SYT17: variants seen among roughly 807,000 people sequenced by gnomAD.
SYT17 encodes synaptotagmin 17.
A neutral mutation model predicts 46.7 loss-of-function variants in SYT17; 22 were observed. The ratio of observed to expected loss-of-function variants is 0.47; its 90% CI spans 0.34 to 0.67. SYT17 has a LOEUF of 0.67. Ranked by LOEUF, SYT17 falls within the 30% of genes least tolerant of loss-of-function variation. The pLI is 0.01. For synonymous variants in SYT17, 251 were observed against 248.4 expected (o/e 1.01, Z -0.10); for missense variants, 519 against 612.8 (o/e 0.85, Z 1.62).
Position 19,223,069 on chromosome 16 carries a change from C to G in SYT17, c.976C>G (p.Leu326Val). 1 of 1,614,064 alleles carries G rather than the reference C, an allele frequency of 6.2e-7. No homozygotes were observed. The change falls in exon 6 of 8, where the codon CTT becomes GTT. Residue 326 changes from leucine (L) to valine (V), a missense_variant. Transcript: ENST00000355377. ...SQNEVELGEL[L>V]LSLNYLPSAG... ...GAATGAAGTGGAGCTGGGGGAGCTG[C>G]TTCTGTCACTGAATTATCTCCCAAG... is the stretch of plus-strand genomic sequence containing the variant.
At chr16:19,227,324 C>CTTTTTT (rs33936912) in intron 7 of SYT17, among the ~76,000 whole-genome samples, 14 of 143,052 alleles carry the variant, frequency 9.8e-5, no homozygotes, top group African/African-American at 2.4e-4. Context: ...CTTCTCCCCG[C>CTTTTTT]TTTTTTTTTT....
At position 19,267,212 on chromosome 16, in the gene SYT17, C is replaced by T; in HGVS notation, c.*136C>T. 1 of 764,484 alleles carries T rather than the reference C, an allele frequency of 1.3e-6. No homozygotes were observed. Among genetic ancestry groups the T allele is most frequent in the South Asian group, 2.1e-5 (1 of 46,522 alleles). 47.4% of individuals were successfully genotyped at this position (764,484 alleles called of 1,614,324 possible). A position where few individuals can be genotyped will look rare whatever the true frequency, so the allele number is the denominator to read the frequency against. ...ACACACGTCCACACACACAGACACACAGATACCCCAAATCCTCTCAGAACT... is the reference window on the plus strand; with the variant it reads ...ACACACGTCCACACACACAGACACATAGATACCCCAAATCCTCTCAGAACT... On this transcript the variant is annotated 3_prime_UTR_variant, in exon 8 of 8. Coordinates refer to ENST00000355377, the MANE Select transcript of SYT17 (RefSeq NM_016524.4).
chr16:19,251,919 A>T (rs1968104796), intron 7 of SYT17, among the ~76,000 whole-genome samples: 1 of 152,084 alleles, frequency 6.6e-6, no homozygotes, highest in Non-Finnish European at 1.5e-5. Flanking sequence ...GCTGTTCAAA[A>T]CATGTTTGAG....
chr16:19,254,425 C>A (rs1332904422), intron 7 of SYT17, among the ~76,000 whole-genome samples: 1 of 152,144 alleles, frequency 6.6e-6, no homozygotes. Flanking sequence ...CACCCAGGCC[C>A]CCAACCCCAA....
rs111374855 is a variant in SYT17 at position 19,231,777 on chromosome 16, C to T, written c.1228+6939C>T. Among the ~76,000 whole-genome samples, 25 of 152,224 alleles carry T rather than the reference C, an allele frequency of 1.6e-4. No homozygotes were observed. The East Asian group carries it at 3.5e-3, about 21-fold the overall frequency. The stretch of plus-strand genomic sequence containing the variant: ...GGAGCACCTACTATGTACCTGGCAC[C>T]GTGCTAGACGTTATGTATTCGACAG... On this transcript the variant is annotated intron_variant, in intron 7 of 7. Coordinates refer to ENST00000355377, the MANE Select transcript of SYT17 (RefSeq NM_016524.4).
chr16:19,172,025 G>C (rs1964115342), intron 1 of SYT17: 1 of 152,628 alleles, frequency 6.6e-6, no homozygotes, highest in Non-Finnish European at 1.5e-5. Context: ...TCCCACCTCA[G>C]TTCACCTCTG....
chr16:19,250,851 G>T (rs1437392191), intron 7 of SYT17, among the ~76,000 whole-genome samples: 1 of 152,092 alleles, frequency 6.6e-6, no homozygotes, highest in African/African-American at 2.4e-5. Context: ...AACATTCTCA[G>T]AAATTCCCTC....
At chr16:19,223,229 C>G in intron 6 of SYT17, 64 bp downstream of exon 6, 2 of 1,580,836 alleles carry the variant, frequency 1.3e-6, no homozygotes, top group East Asian at 2.3e-5. Context: ...TGTGGAGAAC[C>G]CAGTTTTCTT....
chr16:19,250,373 G>A (rs1358697637), intron 7 of SYT17, among the ~76,000 whole-genome samples: 1 of 149,330 alleles, frequency 6.7e-6, no homozygotes, highest in Non-Finnish European at 1.5e-5. Context: ...GTGTGTGTGT[G>A]TGTGTGTGTG....
intron 5 of SYT17, among the ~76,000 whole-genome samples, chr16:19,184,458 T>A (rs1964696430): frequency 1.3e-5 from 2 of 151,782 alleles, no homozygotes; most frequent in Non-Finnish European, 2.9e-5. Flanking sequence ...TGATCTTGGC[T>A]CACTGCAAAC....
At chr16:19,262,626 C>A (rs760758883) in intron 7 of SYT17, among the ~76,000 whole-genome samples, 46 of 152,302 alleles carry the variant, frequency 3.0e-4, no homozygotes, top group Non-Finnish European at 5.4e-4. Flanking sequence ...GGATGTGTGA[C>A]AACACACTTA....
chr16:19,173,458 T>A lies in SYT17; in HGVS notation c.62T>A (p.Leu21Gln). Residue 21 changes from leucine to glutamine, a missense_variant, in exon 3 of 8, where the codon CTG becomes CAG. Leu to Gln is a moderately radical substitution (Grantham distance 113). Coordinates refer to ENST00000355377, the MANE Select transcript of SYT17 (RefSeq NM_016524.4). Reference sequence around the variant, plus strand: ...TTTCTTTCTAGAATCTCTGGTCTGCTGCTGTGCAGATGGACCTGCCGGCAC... The same window carrying A: ...TTTCTTTCTAGAATCTCTGGTCTGCAGCTGTGCAGATGGACCTGCCGGCAC... The part of the protein sequence containing the change: ...EGFLSRISGL[L>Q]LCRWTCRHCC... 1 of 1,478,744 alleles carries A rather than the reference T, an allele frequency of 6.8e-7. No individual in the cohort carries two copies. Among genetic ancestry groups the A allele is most frequent in the South Asian group, 1.1e-5 (1 of 89,142 alleles). 91.6% of individuals were successfully genotyped at this position (1,478,744 alleles called of 1,614,324 possible). A position where few individuals can be genotyped will look rare whatever the true frequency, so the allele number is the denominator to read the frequency against.
intron 7 of SYT17, among the ~76,000 whole-genome samples, chr16:19,254,749 T>C (rs1490372490): frequency 6.6e-6 from 1 of 152,192 alleles, no homozygotes. Context: ...CAGTCAGATG[T>C]ATACATTTTT....
At chr16:19,241,041 G>A (rs371927962) in intron 7 of SYT17, among the ~76,000 whole-genome samples, 10,654 of 143,958 alleles carry the variant, frequency 0.074, 569 homozygotes, top group South Asian at 0.17. Flanking sequence ...TCCGCCTCCC[G>A]GGTTCACGCC....
In SYT17 at chr16:19,267,937, AGT is replaced by A. The variant is rs35835688; in HGVS notation, c.*896_*897del. 5,767 of 148,688 alleles carry A rather than the reference AGT, an allele frequency of 0.039. 242 individuals carry two copies. The highest frequency in any genetic ancestry group is 0.1 in the African/African-American group (4,215 of 40,524). 9.2% of individuals were successfully genotyped at this position (148,688 alleles called of 1,614,324 possible). A position where few individuals can be genotyped will look rare whatever the true frequency, so the allele number is the denominator to read the frequency against. ...CAGAGATCCCACTTTGGATAAAAGT[AGT>A]GTGTGTGTGTGTGTGTGTGTGTGTG... On this transcript the variant is annotated 3_prime_UTR_variant, in exon 8 of 8. Transcript: ENST00000355377.
rs367840738 is a variant in SYT17 at position 19,181,172 on chromosome 16, A to G, written c.331+633A>G. ...GGGTTTTTTTATGTGAAACATTCTT[A>G]CTTTCAAGCCTAAACAAAATGTATG... On this transcript the variant is annotated intron_variant, in intron 4 of 7. Transcript: ENST00000355377. 2.6e-5 allele frequency among the ~76,000 whole-genome samples: 4 copies of G among 152,188 alleles called. No individual in the cohort carries two copies. In the East Asian group the frequency reaches 7.7e-4, roughly 29 times the overall value.
chr16:19,178,334 C>T (rs1277105980), intron 3 of SYT17, among the ~76,000 whole-genome samples: 1 of 152,106 alleles, frequency 6.6e-6, no homozygotes, highest in Admixed American at 6.5e-5. Context: ...ATCCACCCGC[C>T]TCAGCCTCCC....
At chr16:19,240,750 G>A (rs547550261) in intron 7 of SYT17, among the ~76,000 whole-genome samples, 5 of 152,288 alleles carry the variant, frequency 3.3e-5, no homozygotes, top group African/African-American at 7.2e-5. Flanking sequence ...TGCTCATGGC[G>A]CTCAGGCTGT....
At chr16:19,231,737 A>G (rs1966699292) in intron 7 of SYT17, among the ~76,000 whole-genome samples, 1 of 151,952 alleles carries the variant, frequency 6.6e-6, no homozygotes, top group South Asian at 2.1e-4. Context: ...GTCTGTCCTT[A>G]CTGATTAAAT....
Sources: gnomAD v4.1 joint callset for allele counts (sites outside exome capture counted in the v4.1 genomes callset) on GRCh38, gnomAD v4.1.1 for gene constraint, MANE v1.5 for transcripts, NCBI Gene and HGNC (gene_info 2026-07-23, HGNC 2026-07-21) for gene names.